The following PLXDC2 variants were observed in gnomAD, a reference collection of about 807,000 sequenced individuals.
PLXDC2 encodes the protein plexin domain-containing protein 2.
A neutral mutation model predicts 68.9 loss-of-function variants in PLXDC2; 40 were observed. The observed-to-expected ratio is 0.58, with a 90% confidence interval of 0.45 to 0.76. The LOEUF is 0.76. PLXDC2 is among the 30% of genes least tolerant of loss of function. The probability of loss-of-function intolerance (pLI) is 0.00; values close to 1 mark genes in which losing one functional copy is unlikely to be tolerated. For synonymous variants in PLXDC2, 243 were observed against 234.2 expected (o/e 1.04, Z -0.34); for missense variants, 644 against 661.9 (o/e 0.97, Z 0.30).
At chr10:20,057,397 A>G (rs1345394763) in intron 3 of PLXDC2, among the ~76,000 whole-genome samples, 2 of 152,052 alleles carry the variant, frequency 1.3e-5, no homozygotes, top group African/African-American at 4.8e-5. Context: ...CCTGGTCCCA[A>G]TATCTTTATT....
chr10:19,817,590 G>A (rs1371356999), intron 1 of PLXDC2, among the ~76,000 whole-genome samples: 1 of 152,192 alleles, frequency 6.6e-6, no homozygotes, highest in Non-Finnish European at 1.5e-5. Context: ...GTGGTATGGG[G>A]TGGGTGGGGG....
chr10:20,173,010 C>A (rs1033103625), intron 7 of PLXDC2, among the ~76,000 whole-genome samples: 1 of 152,182 alleles, frequency 6.6e-6, no homozygotes, highest in African/African-American at 2.4e-5. Flanking sequence ...TTTAACAACT[C>A]CAACTAGCTA....
At chr10:19,969,721 G>A (rs909158745) in intron 1 of PLXDC2, among the ~76,000 whole-genome samples, 1 of 152,142 alleles carries the variant, frequency 6.6e-6, no homozygotes, top group African/African-American at 2.4e-5. Context: ...TTCTTATTCT[G>A]ACTATACTCA....
At chr10:20,077,977 C>G (rs190615717) in intron 4 of PLXDC2, among the ~76,000 whole-genome samples, 46 of 152,206 alleles carry the variant, frequency 3.0e-4, no homozygotes, top group Admixed American at 1.9e-3. Flanking sequence ...GTAATCTCTT[C>G]AGGTAACTTA....
intron 12 of PLXDC2, among the ~76,000 whole-genome samples, chr10:20,241,473 C>T (rs995029079): frequency 6.6e-6 from 1 of 152,214 alleles, no homozygotes; most frequent in African/African-American, 2.4e-5. Context: ...CTTCCCTCTC[C>T]ATTCCTGCAT....
chr10:20,107,097 T>C (rs191842231), intron 4 of PLXDC2, among the ~76,000 whole-genome samples: 2 of 148,648 alleles, frequency 1.3e-5, no homozygotes, highest in South Asian at 2.1e-4. Context: ...ACACTATATA[T>C]ATACTATAGT....
At chr10:19,862,161 G>C (rs11011648) in intron 1 of PLXDC2, among the ~76,000 whole-genome samples, 1 of 151,890 alleles carries the variant, frequency 6.6e-6, no homozygotes, top group Non-Finnish European at 1.5e-5. Context: ...ATGTATAGCC[G>C]TAATTGATGC....
intron 1 of PLXDC2, among the ~76,000 whole-genome samples, chr10:19,914,248 C>G (rs1263029427): frequency 6.6e-6 from 1 of 151,834 alleles, no homozygotes; most frequent in African/African-American, 2.4e-5. Flanking sequence ...ATTATAATTG[C>G]ATGGTCTTAT....
intron 4 of PLXDC2, among the ~76,000 whole-genome samples, chr10:20,117,916 A>G (rs560286206): frequency 3.9e-5 from 6 of 152,312 alleles, no homozygotes; most frequent in African/African-American, 1.4e-4. Context: ...TTTTAGACTA[A>G]GTAAGCTGGA....
At chr10:19,930,330 A>G (rs1365397435) in intron 1 of PLXDC2, among the ~76,000 whole-genome samples, 1 of 152,160 alleles carries the variant, frequency 6.6e-6, no homozygotes, top group Non-Finnish European at 1.5e-5. Flanking sequence ...TTTTCCAGAA[A>G]CAGCCGGGTT....
chr10:20,161,453 C>T (rs199816404), intron 6 of PLXDC2, among the ~76,000 whole-genome samples: 8,931 of 142,266 alleles, frequency 0.063, 304 homozygotes, highest in Middle Eastern at 0.087. Context: ...CTCTCTCTCT[C>T]TTTTTTTTTT....
At chr10:20,278,020 A>T (rs867747417) in intron 13 of PLXDC2, among the ~76,000 whole-genome samples, 4 of 152,052 alleles carry the variant, frequency 2.6e-5, no homozygotes, top group South Asian at 2.1e-4. Flanking sequence ...GAATGACAGG[A>T]TCTCATTATT....
chr10:20,154,150 C>G (rs780642827), intron 6 of PLXDC2, among the ~76,000 whole-genome samples: 4 of 152,132 alleles, frequency 2.6e-5, no homozygotes, highest in Non-Finnish European at 5.9e-5. Flanking sequence ...TAAATCTCAG[C>G]TTCTTCGTAT....
At chr10:20,207,398 T>G (rs1160321149) in intron 9 of PLXDC2, among the ~76,000 whole-genome samples, 1 of 152,198 alleles carries the variant, frequency 6.6e-6, no homozygotes, top group African/African-American at 2.4e-5. Flanking sequence ...TATGCAAATT[T>G]AAGATTTGGC....
chr10:20,037,408 G>C (rs565549672), intron 2 of PLXDC2, among the ~76,000 whole-genome samples: 1 of 150,930 alleles, frequency 6.6e-6, no homozygotes, highest in African/African-American at 2.4e-5. Context: ...TGTGCACAAC[G>C]TGCAGGTTTG....
In PLXDC2 at chr10:20,143,350, A is replaced by T; in HGVS notation, c.597A>T (p.Ile199=). 6.2e-7 allele frequency: 1 copy of T among 1,613,288 alleles called. No homozygotes were observed. The change falls in exon 5 of 14, where the codon ATA becomes ATT. Residue 199 remains isoleucine, a synonymous_variant. Coordinates refer to ENST00000377252, the MANE Select transcript of PLXDC2 (RefSeq NM_032812.9). ...VHRMLTATQY[I]APLMANFDPS... is the part of the protein sequence containing the mutation. ...GAATGCTAACAGCCACACAGTACAT[A>T]GCACCTTTAATGGCAAATTTCGATC...
intron 7 of PLXDC2, among the ~76,000 whole-genome samples, chr10:20,171,749 A>AT (rs200029302): frequency 0.012 from 1,866 of 151,928 alleles, 44 homozygotes; most frequent in African/African-American, 0.043. Context: ...CTTTTATTTC[A>AT]TTTTTTTGAT....
chr10:20,050,686 T>C (rs1160366240), intron 3 of PLXDC2, among the ~76,000 whole-genome samples: 1 of 151,172 alleles, frequency 6.6e-6, no homozygotes, highest in Non-Finnish European at 1.5e-5. Flanking sequence ...ATGGCTATTA[T>C]TAAAAAGTAA....
At chr10:20,262,980 G>A (rs748042411) in intron 13 of PLXDC2, among the ~76,000 whole-genome samples, 2 of 152,340 alleles carry the variant, frequency 1.3e-5, no homozygotes, top group Non-Finnish European at 2.9e-5. Context: ...CTTTGCAGTG[G>A]AACTGCCCTT....
Sources: gnomAD v4.1 joint callset for allele counts (sites outside exome capture counted in the v4.1 genomes callset) on GRCh38, gnomAD v4.1.1 for gene constraint, MANE v1.5 for transcripts, NCBI Gene and HGNC (gene_info 2026-07-23, HGNC 2026-07-21) for gene names.